RBFOX1: variants seen among roughly 807,000 people sequenced by gnomAD.
RBFOX1 encodes RNA binding fox-1 homolog 1.
Under a neutral mutation model 57.7 loss-of-function variants are expected in RBFOX1, and 8 were observed. That is an observed-to-expected ratio of 0.14 (90% CI 0.08 to 0.25). RBFOX1 has a LOEUF of 0.25. Among genes scored for constraint, RBFOX1 ranks in the 10% least tolerant of loss-of-function variants. The probability of loss-of-function intolerance (pLI) is 1.00; values close to 1 mark genes in which losing one functional copy is unlikely to be tolerated. For synonymous variants in RBFOX1, 326 were observed against 222.4 expected, an observed-to-expected ratio of 1.47 and a Z score of -4.15; for missense variants, 611 against 548.5, an observed-to-expected ratio of 1.11 and a Z score of -1.14.
chr16:5,534,083 C>T (rs906953869), intron 2 of RBFOX1, among the ~76,000 whole-genome samples: 1 of 152,114 alleles, frequency 6.6e-6, no homozygotes, highest in Non-Finnish European at 1.5e-5. Context: ...TGCCACCTGC[C>T]AGTTGCTGCC....
At chr16:5,609,813 T>C (rs1458747418) in intron 3 of RBFOX1, among the ~76,000 whole-genome samples, 1 of 148,770 alleles carries the variant, frequency 6.7e-6, no homozygotes, top group Non-Finnish European at 1.5e-5. Flanking sequence ...TGCAGAGCAC[T>C]GTTCTAGGAG....
At chr16:7,112,283 A>C (rs1003615098) in intron 4 of RBFOX1, among the ~76,000 whole-genome samples, 1 of 151,858 alleles carries the variant, frequency 6.6e-6, no homozygotes, top group African/African-American at 2.4e-5. Flanking sequence ...GCTCACTGCA[A>C]CCTCCACCTT....
chr16:6,117,225 A>G (rs757722009), intron 1 of RBFOX1, among the ~76,000 whole-genome samples: 7 of 152,304 alleles, frequency 4.6e-5, no homozygotes, highest in Admixed American at 2.6e-4. Context: ...GCCACAAATT[A>G]CTATGAGTGT....
chr16:5,339,390 G>C (rs753689227), intron 1 of RBFOX1, among the ~76,000 whole-genome samples: 4 of 148,268 alleles, frequency 2.7e-5, no homozygotes, highest in Non-Finnish European at 5.9e-5. Context: ...CAAAGGCAAT[G>C]GTCCTTATGA....
At chr16:6,585,074 G>T (rs1347942223) in intron 2 of RBFOX1, among the ~76,000 whole-genome samples, 1 of 152,192 alleles carries the variant, frequency 6.6e-6, no homozygotes, top group Non-Finnish European at 1.5e-5. Context: ...GACACAGAGA[G>T]CTTGGCATCT....
At chr16:5,392,349 C>G (rs1202740734) in intron 1 of RBFOX1, among the ~76,000 whole-genome samples, 1 of 152,040 alleles carries the variant, frequency 6.6e-6, no homozygotes, top group East Asian at 1.9e-4. Context: ...AGCCTGGTGA[C>G]TTCTTATTAA....
At chr16:6,863,315 A>G (rs1040012373) in intron 3 of RBFOX1, among the ~76,000 whole-genome samples, 2 of 152,110 alleles carry the variant, frequency 1.3e-5, no homozygotes, top group Admixed American at 6.5e-5. Context: ...AATGGTCAAG[A>G]TGAATGGGTA....
intron 4 of RBFOX1, among the ~76,000 whole-genome samples, chr16:7,192,989 G>C (rs985834638): frequency 3.3e-5 from 5 of 152,306 alleles, no homozygotes; most frequent in Non-Finnish European, 5.9e-5. Flanking sequence ...GGTTGGACAA[G>C]GTGGTAGGCA....
intron 3 of RBFOX1, among the ~76,000 whole-genome samples, chr16:6,812,668 C>T (rs951098874): frequency 2.0e-5 from 3 of 152,142 alleles, no homozygotes; most frequent in East Asian, 1.9e-4. Context: ...TGAGCTACCA[C>T]GCCTGGCCTT....
chr16:7,357,261 G>T (rs899238530), intron 4 of RBFOX1, among the ~76,000 whole-genome samples: 10 of 152,028 alleles, frequency 6.6e-5, no homozygotes, highest in Admixed American at 1.3e-4. Flanking sequence ...CTCTTGGATG[G>T]AGGATATCAG....
At chr16:6,108,640 T>C (rs1260704256) in intron 1 of RBFOX1, among the ~76,000 whole-genome samples, 1 of 152,186 alleles carries the variant, frequency 6.6e-6, no homozygotes, top group Non-Finnish European at 1.5e-5. Context: ...ATTTATTCTT[T>C]CACAGTTCTA....
chr16:6,592,460 T>A (rs2097724747), intron 2 of RBFOX1, among the ~76,000 whole-genome samples: 1 of 152,298 alleles, frequency 6.6e-6, no homozygotes, highest in East Asian at 1.9e-4. Flanking sequence ...TGGCAAGAAT[T>A]GTGCAGTCCT....
intron 3 of RBFOX1, among the ~76,000 whole-genome samples, chr16:6,820,336 G>C (rs2091047930): frequency 6.6e-6 from 1 of 152,088 alleles, no homozygotes; most frequent in Non-Finnish European, 1.5e-5. Context: ...ATAATCTTTT[G>C]ATTCCCTAAT....
At chr16:7,549,700 C>A (rs1250449907) in intron 5 of RBFOX1, among the ~76,000 whole-genome samples, 7 of 152,172 alleles carry the variant, frequency 4.6e-5, no homozygotes, top group Non-Finnish European at 2.9e-5. Context: ...GAAGACTGGG[C>A]CAGTTTAGTC....
intron 3 of RBFOX1, among the ~76,000 whole-genome samples, chr16:5,678,750 G>C (rs919830045): frequency 1.3e-5 from 2 of 152,210 alleles, no homozygotes; most frequent in Admixed American, 6.5e-5. Flanking sequence ...TGTGTTTCCA[G>C]ATGAAGGTGG....
chr16:5,801,323 C>A (rs1160220695), intron 3 of RBFOX1, among the ~76,000 whole-genome samples: 3 of 148,124 alleles, frequency 2.0e-5, no homozygotes, highest in Non-Finnish European at 4.4e-5. Flanking sequence ...CTATCTGCCT[C>A]TCTCTCCCTC....
intron 3 of RBFOX1, among the ~76,000 whole-genome samples, chr16:5,712,944 T>C (rs940956877): frequency 2.7e-5 from 4 of 149,846 alleles, no homozygotes; most frequent in African/African-American, 9.8e-5. Context: ...CAGCTCCAAA[T>C]GCTGTATCAT....
chr16:6,580,994 G>T (rs114295102), intron 2 of RBFOX1, among the ~76,000 whole-genome samples: 124 of 149,134 alleles, frequency 8.3e-4, no homozygotes, highest in African/African-American at 2.7e-3. Context: ...AATATATTTT[G>T]CTTTGGATGA....
At chr16:6,891,198 CAAT>C (rs1387622337) in intron 3 of RBFOX1, among the ~76,000 whole-genome samples, 1 of 152,122 alleles carries the variant, frequency 6.6e-6, no homozygotes, top group African/African-American at 2.4e-5. Context: ...GTAGTGGCTA[CAAT>C]AATATTTGTA....
Sources: gnomAD v4.1 joint callset for allele counts (sites outside exome capture counted in the v4.1 genomes callset) on GRCh38, gnomAD v4.1.1 for gene constraint, MANE v1.5 for transcripts, NCBI Gene and HGNC (gene_info 2026-07-23, HGNC 2026-07-21) for gene names.